The following MGA variants were observed in gnomAD, a reference collection of about 807,000 sequenced individuals.
MGA encodes MAX gene-associated protein.
MGA carries 40 observed loss-of-function variants against 261.1 expected under a neutral mutation model. That is an observed-to-expected ratio of 0.15 (90% CI 0.12 to 0.20). The LOEUF is 0.20. MGA is among the 10% of genes least tolerant of loss of function. The pLI is 1.00. For missense variants in MGA, 3,397 were observed against 3,630.5 expected (o/e 0.94, Z 1.65); for synonymous variants, 1,302 against 1,290.6 (o/e 1.01, Z -0.19).
chr15:41,626,918 C>T lies in MGA; in HGVS notation c.-68+5620C>T, dbSNP rs192934383. Among the ~76,000 whole-genome samples the T allele has an allele frequency of 2.0e-5, 3 of 152,050 alleles. No individual in the cohort carries two copies. In the East Asian group the frequency reaches 5.8e-4, roughly 29 times the overall value. ...TCTCTCTGTCACCCAGGCTGGAGCG[C>T]AAATGGCACTATCTCTGCTTACTGC... On this transcript the variant is annotated intron_variant, in intron 1 of 8. Transcript: ENST00000566718.
intron 19 of MGA, 63 bp downstream of exon 19, chr15:41,757,902 G>A (rs956371769): frequency 1.1e-5 from 15 of 1,427,018 alleles, no homozygotes; most frequent in African/African-American, 4.2e-5. Flanking sequence ...TTATCTTAGG[G>A]TTGAAACAAC....
At chr15:41,633,055 G>A (rs1245312930) in intron 1 of MGA, among the ~76,000 whole-genome samples, 1 of 151,568 alleles carries the variant, frequency 6.6e-6, no homozygotes, top group South Asian at 2.1e-4. Flanking sequence ...GGGTTCAAGC[G>A]ATTCTTCTGC....
At chr15:41,684,019 G>A (rs1466776668) in intron 2 of MGA, among the ~76,000 whole-genome samples, 1 of 152,012 alleles carries the variant, frequency 6.6e-6, no homozygotes, top group Non-Finnish European at 1.5e-5. Context: ...TACGGAAGGC[G>A]TTATAATATG....
chr15:41,733,681 G>A (rs143957172), intron 11 of MGA, among the ~76,000 whole-genome samples: 127 of 152,194 alleles, frequency 8.3e-4, no homozygotes, highest in African/African-American at 2.9e-3. Context: ...TAGCATGAGG[G>A]CACAAAGATA....
chr15:41,734,586 A>G lies in MGA; in HGVS notation c.3908A>G (p.Lys1303Arg). 4 of 1,596,262 alleles carry G rather than the reference A, an allele frequency of 2.5e-6. No individual in the cohort carries two copies. Among genetic ancestry groups the G allele is most frequent in the Non-Finnish European group, 3.4e-6 (4 of 1,168,268 alleles). The stretch of plus-strand genomic sequence containing the variant: ...TGTGACTTGGAGGATGATTCTGATA[A>G]ATTACAAGGTCAGAATGAAAACTAG... Residue 1303 changes from lysine to arginine, a missense_variant, in exon 12 of 24, where the codon AAA becomes AGA. This residue lies in a region of MGA where 1,410 missense variants were observed against 1,386.4 expected (regional missense o/e 1.02). Transcript: ENST00000219905.
chr15:41,753,746 T>C (rs530443465), intron 17 of MGA, among the ~76,000 whole-genome samples: 1 of 152,116 alleles, frequency 6.6e-6, no homozygotes, highest in Non-Finnish European at 1.5e-5. Flanking sequence ...GGCACTTGAA[T>C]TTTTCTCCTT....
At chr15:41,754,219 T>C (rs2063014346) in intron 17 of MGA, among the ~76,000 whole-genome samples, 1 of 152,182 alleles carries the variant, frequency 6.6e-6, no homozygotes, top group Non-Finnish European at 1.5e-5. Context: ...ACGGCTCACA[T>C]ATATATATGA....
Position 41,699,279 on chromosome 15 carries a change from G to A in MGA, c.2188+120G>A. The A allele has an allele frequency of 4.7e-6, 3 of 641,910 alleles. No homozygotes were observed. The South Asian group carries it at 7.6e-5, about 16-fold the overall frequency. 39.8% of individuals were successfully genotyped at this position (641,910 alleles called of 1,614,324 possible). Reference sequence around the variant, plus strand: ...TTCTGTTTTTTCCTCTTTCTTTCTAGCCTTGATTTCATTTCTTTCAGCACG... The same window carrying A: ...TTCTGTTTTTTCCTCTTTCTTTCTAACCTTGATTTCATTTCTTTCAGCACG... On this transcript the variant is annotated intron_variant, in intron 5 of 23. Transcript: ENST00000219905.
chr15:41,662,327 T>A (rs1382834333), intron 1 of MGA, among the ~76,000 whole-genome samples: 1 of 152,124 alleles, frequency 6.6e-6, no homozygotes, highest in Admixed American at 6.6e-5. Context: ...TGGCCCTGAG[T>A]TGTAGTTAGG....
chr15:41,697,287 A>G (rs1385353476), intron 3 of MGA, among the ~76,000 whole-genome samples: 5 of 152,206 alleles, frequency 3.3e-5, no homozygotes, highest in Admixed American at 3.3e-4. Flanking sequence ...TGTTTAAAAA[A>G]AGTCTTCGGG....
intron 2 of MGA, among the ~76,000 whole-genome samples, chr15:41,680,848 T>C (rs1015606627): frequency 1.4e-4 from 21 of 152,202 alleles, no homozygotes; most frequent in African/African-American, 5.1e-4. Flanking sequence ...ACAAAATCTG[T>C]GATTGAACTT....
chr15:41,716,663 T>A (rs2060654597), intron 9 of MGA, among the ~76,000 whole-genome samples: 1 of 152,204 alleles, frequency 6.6e-6, no homozygotes, highest in South Asian at 2.1e-4. Flanking sequence ...AAGTAAGTTA[T>A]GAAATTGAGG....
intron 10 of MGA, among the ~76,000 whole-genome samples, chr15:41,727,866 A>T (rs1373831634): frequency 1.3e-5 from 2 of 152,206 alleles, no homozygotes; most frequent in Non-Finnish European, 2.9e-5. Context: ...CTGGTAGGTA[A>T]AAGTAGGAAG....
intron 5 of MGA, among the ~76,000 whole-genome samples, chr15:41,704,266 A>G (rs536195834): frequency 3.3e-5 from 5 of 152,096 alleles, no homozygotes; most frequent in African/African-American, 1.2e-4. Context: ...GCTTGTCTCA[A>G]ACTCCTGGCT....
In MGA at chr15:41,640,583, G is replaced by A. The variant is rs577976043; in HGVS notation, c.-68+19285G>A. On this transcript the variant is annotated intron_variant, in intron 1 of 8. Coordinates refer to the MGA transcript ENST00000566718. ...CGCCCAGGCTGGAATACAATGGTGC[G>A]ATCTCGGCTCTCTGCAATGTCTGCC... Among the ~76,000 whole-genome samples the A allele has an allele frequency of 4.6e-4, 70 of 151,860 alleles. No individual in the cohort carries two copies. The South Asian group carries it at 0.011, about 23-fold the overall frequency.
At chr15:41,738,859 T>C (rs1417010707) in intron 13 of MGA, among the ~76,000 whole-genome samples, 1 of 152,180 alleles carries the variant, frequency 6.6e-6, no homozygotes, top group Non-Finnish European at 1.5e-5. Flanking sequence ...GCAGAGATAT[T>C]CTTGATCTCT....
chr15:41,645,308 G>T (rs911969320), intron 1 of MGA, among the ~76,000 whole-genome samples: 9 of 152,216 alleles, frequency 5.9e-5, no homozygotes, highest in African/African-American at 1.9e-4. Flanking sequence ...ATTCTGTTAG[G>T]GCCGAGTGCG....
intron 9 of MGA, among the ~76,000 whole-genome samples, chr15:41,716,281 A>C (rs2060630634): frequency 6.6e-6 from 1 of 151,546 alleles, no homozygotes; most frequent in South Asian, 2.1e-4. Context: ...CCCCGTCTCT[A>C]CTAAAAATAC....
rs757101802 is a variant in MGA, at chr15:41,749,953, C to G, written c.6346C>G (p.Gln2116Glu). 2 of 1,613,536 alleles carry G rather than the reference C, an allele frequency of 1.2e-6. No homozygotes were observed. The highest frequency in any genetic ancestry group is 1.7e-5 in the Admixed American group (1 of 59,902). ...AAAACTTGGTGATGTGAAGGTGGAA[C>G]AGCAGAAAGGATTTGACAATCCAGA... Residue 2116 changes from glutamine to glutamate, a missense_variant, in exon 17 of 24, where the codon CAG becomes GAG. By Grantham distance (29) the Gln-to-Glu change is conservative (BLOSUM62 2). Coordinates refer to ENST00000219905, the MANE Select transcript of MGA (RefSeq NM_001164273.2).
Sources: gnomAD v4.1 joint callset for allele counts (sites outside exome capture counted in the v4.1 genomes callset) on GRCh38, gnomAD v4.1.1 for gene constraint, gnomAD v4.1.1 regional missense constraint, MANE v1.5 for transcripts, NCBI Gene and HGNC (gene_info 2026-07-23, HGNC 2026-07-21) for gene names.